Variants in CPNE8 observed in about 807,000 individuals in gnomAD.
CPNE8 encodes the protein copine-8.
A neutral mutation model predicts 81.5 loss-of-function variants in CPNE8; 45 were observed. That is an observed-to-expected ratio of 0.55 (90% CI 0.44 to 0.71). CPNE8 has a LOEUF of 0.71. CPNE8 is among the 30% of genes least tolerant of loss of function. CPNE8 has a pLI of 0.00. For missense variants in CPNE8, 594 were observed against 672.1 expected (o/e 0.88, Z 1.28); for synonymous variants, 252 against 226.3 (o/e 1.11, Z -1.02).
At chr12:38,799,955 A>T (rs1297818128) in intron 6 of CPNE8, among the ~76,000 whole-genome samples, 2 of 150,646 alleles carry the variant, frequency 1.3e-5, no homozygotes, top group Admixed American at 1.3e-4. Context: ...AGACCGGCTT[A>T]AGAAACGGCG....
At chr12:38,866,648 A>C (rs1391772689) in intron 3 of CPNE8, among the ~76,000 whole-genome samples, 1 of 152,196 alleles carries the variant, frequency 6.6e-6, no homozygotes, top group Non-Finnish European at 1.5e-5. Context: ...GCTTAGAATA[A>C]AGGGCAGCAG....
intron 3 of CPNE8, among the ~76,000 whole-genome samples, chr12:38,871,547 G>T (rs746758706): frequency 3.9e-5 from 6 of 152,166 alleles, no homozygotes; most frequent in Non-Finnish European, 7.4e-5. Flanking sequence ...GAAAAAGGGG[G>T]CATATACTAA....
chr12:38,767,964 C>G (rs990117802), intron 7 of CPNE8, among the ~76,000 whole-genome samples: 1 of 152,048 alleles, frequency 6.6e-6, no homozygotes, highest in African/African-American at 2.4e-5. Flanking sequence ...TTTTCAAAAA[C>G]TTTTAACATT....
chr12:38,849,951 C>T (rs1943619880), intron 3 of CPNE8, among the ~76,000 whole-genome samples: 1 of 152,150 alleles, frequency 6.6e-6, no homozygotes, highest in African/African-American at 2.4e-5. Context: ...ACCTAAGTCA[C>T]TTTGGCTACA....
At chr12:38,751,031 A>G (rs1014054051) in intron 10 of CPNE8, among the ~76,000 whole-genome samples, 2 of 152,086 alleles carry the variant, frequency 1.3e-5, no homozygotes, top group Non-Finnish European at 2.9e-5. Flanking sequence ...GTCTTATGAG[A>G]TCTGATGGTT....
intron 2 of CPNE8, 40 bp from the exon 3 acceptor site, chr12:38,873,090 T>TC: frequency 7.9e-7 from 1 of 1,263,694 alleles, no homozygotes; most frequent in Non-Finnish European, 1.1e-6. Context: ...AAATGTCTTT[T>TC]ATGAAAATCA....
At chr12:38,698,268 T>A (rs992647163) in intron 14 of CPNE8, among the ~76,000 whole-genome samples, 6 of 152,226 alleles carry the variant, frequency 3.9e-5, no homozygotes, top group African/African-American at 1.4e-4. Flanking sequence ...TTTGTCTTTT[T>A]ATTGAATTGT....
intron 6 of CPNE8, among the ~76,000 whole-genome samples, chr12:38,787,486 T>TA (rs34801044): frequency 0.12 from 15,225 of 130,326 alleles, 1,116 homozygotes; most frequent in East Asian, 0.3. Flanking sequence ...GTGCTTCCAT[T>TA]AAAAAAAAAA....
At chr12:38,895,655 A>G (rs1371614560) in intron 1 of CPNE8, among the ~76,000 whole-genome samples, 1 of 152,108 alleles carries the variant, frequency 6.6e-6, no homozygotes, top group Non-Finnish European at 1.5e-5. Flanking sequence ...GAAAAACAGG[A>G]AAGCATTCTG....
chr12:38,819,049 A>G, intron 6 of CPNE8, among the ~76,000 whole-genome samples: 1 of 152,108 alleles, frequency 6.6e-6, no homozygotes, highest in Non-Finnish European at 1.5e-5. Flanking sequence ...TGTCAGATTG[A>G]TACATTTCAA....
intron 13 of CPNE8, among the ~76,000 whole-genome samples, chr12:38,719,745 T>C (rs1388401639): frequency 1.3e-5 from 2 of 152,150 alleles, no homozygotes; most frequent in Non-Finnish European, 2.9e-5. Context: ...AATATCCCTG[T>C]ATTTTACTTA....
At chr12:38,775,491 A>T (rs868311286) in intron 7 of CPNE8, among the ~76,000 whole-genome samples, 1 of 152,046 alleles carries the variant, frequency 6.6e-6, no homozygotes, top group Non-Finnish European at 1.5e-5. Flanking sequence ...TCTAGGGAAA[A>T]TTTTTTTCCT....
intron 6 of CPNE8, among the ~76,000 whole-genome samples, chr12:38,778,555 T>G (rs1227206176): frequency 6.6e-6 from 1 of 152,174 alleles, no homozygotes; most frequent in Non-Finnish European, 1.5e-5. Flanking sequence ...GCCTCAAACT[T>G]TCCATATCCC....
chr12:38,704,863 T>TA (rs1565575657), intron 13 of CPNE8, among the ~76,000 whole-genome samples: 44 of 137,278 alleles, frequency 3.2e-4, no homozygotes, highest in African/African-American at 1.0e-3. Flanking sequence ...TATATATATA[T>TA]TTAAATTTCG....
At chr12:38,751,899 C>T (rs1267120974) in intron 10 of CPNE8, among the ~76,000 whole-genome samples, 1 of 152,094 alleles carries the variant, frequency 6.6e-6, no homozygotes, top group African/African-American at 2.4e-5. Flanking sequence ...TTCTTTTTCA[C>T]CAGGCTGCAT....
At chr12:38,756,692 T>TATA (rs1387008846) in intron 10 of CPNE8, among the ~76,000 whole-genome samples, 1 of 152,198 alleles carries the variant, frequency 6.6e-6, no homozygotes, top group Non-Finnish European at 1.5e-5. Context: ...TTCCCCATTT[T>TATA]ATAAGGAGTC....
chr12:38,862,279 A>G (rs1357641281), intron 3 of CPNE8, among the ~76,000 whole-genome samples: 1 of 150,504 alleles, frequency 6.6e-6, no homozygotes, highest in African/African-American at 2.4e-5. Flanking sequence ...TATAATCATT[A>G]TATATTTCTC....
At chr12:38,846,519 G>T (rs910983754) in intron 4 of CPNE8, among the ~76,000 whole-genome samples, 1 of 152,152 alleles carries the variant, frequency 6.6e-6, no homozygotes, top group Non-Finnish European at 1.5e-5. Context: ...GGCAGGTCAT[G>T]ACTGTTCTTT....
At chr12:38,656,381 A>T (rs1355471907) in intron 19 of CPNE8, among the ~76,000 whole-genome samples, 3 of 150,528 alleles carry the variant, frequency 2.0e-5, no homozygotes, top group Non-Finnish European at 2.9e-5. Flanking sequence ...TGTAGCTAAT[A>T]CACACATTTC....
Sources: gnomAD v4.1 joint callset for allele counts (sites outside exome capture counted in the v4.1 genomes callset) on GRCh38, gnomAD v4.1.1 for gene constraint, MANE v1.5 for transcripts, NCBI Gene and HGNC (gene_info 2026-07-23, HGNC 2026-07-21) for gene names.